The following FHIT variants were observed in gnomAD, a reference collection of about 807,000 sequenced individuals.
The protein encoded by FHIT is bis(5'-adenosyl)-triphosphatase.
In FHIT, 19 loss-of-function variants were observed where a neutral mutation model predicts 17.9. That is an observed-to-expected ratio of 1.06 (90% CI 0.74 to 1.56). The LOEUF is 1.56. Among genes scored for constraint, FHIT ranks in the 40% most tolerant of loss-of-function variants. FHIT has a pLI of 0.00. For missense variants in FHIT, 248 were observed against 189.2 expected (o/e 1.31, Z -1.82); for synonymous variants, 81 against 69.7 (o/e 1.16, Z -0.81).
At position 59,866,790 on chromosome 3, in the gene FHIT, G is replaced by A. The variant is rs546841562; in HGVS notation, c.348+55556C>T. On this transcript the variant is annotated intron_variant, in intron 8 of 9. Coordinates refer to ENST00000492590, the MANE Select transcript of FHIT (RefSeq NM_002012.4). ...TTCTGTAGATAGCTTCTGGCCAACT[G>A]ACTTAGCAAAGAGCAGCACAATATC... Among the ~76,000 whole-genome samples the A allele has an allele frequency of 4.6e-5, 7 of 152,232 alleles. No homozygotes were observed. The South Asian group carries it at 1.5e-3, about 32-fold the overall frequency.
chr3:60,568,370 T>C (rs936409884), intron 4 of FHIT, among the ~76,000 whole-genome samples: 15 of 151,436 alleles, frequency 9.9e-5, no homozygotes, highest in Non-Finnish European at 2.1e-4. Flanking sequence ...AAAAACCAAA[T>C]ACCGCGTGTT....
chr3:60,211,887 G>T (rs1172538397), intron 5 of FHIT, among the ~76,000 whole-genome samples: 1 of 152,062 alleles, frequency 6.6e-6, no homozygotes, highest in African/African-American at 2.4e-5. Flanking sequence ...TCTTTTTAAT[G>T]TTCGCTTTTC....
intron 2 of FHIT, among the ~76,000 whole-genome samples, chr3:61,115,813 G>C (rs1212943312): frequency 1.3e-5 from 2 of 152,100 alleles, no homozygotes; most frequent in East Asian, 1.9e-4. Context: ...GGGAAGAAGA[G>C]TATTGAAAAA....
intron 4 of FHIT, among the ~76,000 whole-genome samples, chr3:60,578,448 C>CACACACACACAG (rs1490153328): frequency 6.7e-6 from 1 of 150,120 alleles, no homozygotes; most frequent in Non-Finnish European, 1.5e-5. Context: ...AAAACACACA[C>CACACACACACAG]ACACACACAC....
chr3:60,027,581 G>A (rs991489470), intron 5 of FHIT, among the ~76,000 whole-genome samples: 2 of 151,832 alleles, frequency 1.3e-5, no homozygotes, highest in African/African-American at 2.4e-5. Flanking sequence ...ATGCTCCTCC[G>A]CGAGACTGCA....
intron 3 of FHIT, among the ~76,000 whole-genome samples, chr3:60,886,927 C>T (rs534057686): frequency 5.3e-5 from 8 of 152,220 alleles, no homozygotes; most frequent in Middle Eastern, 3.4e-3. Flanking sequence ...TATAGCATGC[C>T]GTGGTTTGTT....
intron 9 of FHIT, 130 bp downstream of exon 9, chr3:59,752,091 C>G (rs556619671): frequency 9.9e-6 from 6 of 604,662 alleles, no homozygotes; most frequent in Non-Finnish European, 1.7e-5. Flanking sequence ...TCCCCTCCAG[C>G]TCTTTGTCCT....
rs1285846290 is a variant in FHIT at position 61,190,936 on chromosome 3, TG to T, written c.-164+9680del. On this transcript the variant is annotated intron_variant, in intron 2 of 9. Transcript: ENST00000492590. ...TCACCCACTGGGGCTTGTTGTGGGG[TG>T]GGGGGAGGGAAGAGGGATAGCATTA... Among the ~76,000 whole-genome samples, 3 of 55,610 alleles carry T rather than the reference TG, an allele frequency of 5.4e-5. No homozygotes were observed. The Admixed American group carries it at 6.6e-4, about 12-fold the overall frequency. The allele number at this position is 55,610 out of a possible 152,430, so 36.5% of individuals were successfully genotyped here.
At chr3:60,129,934 T>C (rs1024542907) in intron 5 of FHIT, among the ~76,000 whole-genome samples, 1 of 152,210 alleles carries the variant, frequency 6.6e-6, no homozygotes, top group African/African-American at 2.4e-5. Context: ...GTGTCTGTTT[T>C]TGTGCCCTTT....
chr3:60,735,126 C>T (rs1276856798), intron 4 of FHIT, among the ~76,000 whole-genome samples: 1 of 152,142 alleles, frequency 6.6e-6, no homozygotes, highest in African/African-American at 2.4e-5. Context: ...GTTGATTAAC[C>T]CTTCACTTGT....
chr3:60,613,627 C>T lies in FHIT; in HGVS notation c.-17-76648G>A, dbSNP rs570782135. Among the ~76,000 whole-genome samples, 5 of 152,218 alleles carry T rather than the reference C, an allele frequency of 3.3e-5. No homozygotes were observed. The South Asian group carries it at 8.3e-4, about 25-fold the overall frequency. ...TTCAACTCCCTTTATATTCCTTCATCTTTCTCTCCCTACTTCCTTTTCTTT... is the reference window on the plus strand; with the variant it reads ...TTCAACTCCCTTTATATTCCTTCATTTTTCTCTCCCTACTTCCTTTTCTTT... On this transcript the variant is annotated intron_variant, in intron 4 of 9. Coordinates refer to ENST00000492590, the MANE Select transcript of FHIT (RefSeq NM_002012.4).
intron 8 of FHIT, among the ~76,000 whole-genome samples, chr3:59,920,864 T>C (rs748209648): frequency 8.5e-5 from 13 of 152,196 alleles, no homozygotes; most frequent in Non-Finnish European, 1.6e-4. Flanking sequence ...GTTCAAATTA[T>C]AGTTTTACAG....
At chr3:60,276,558 A>C (rs971704766) in intron 5 of FHIT, among the ~76,000 whole-genome samples, 4 of 152,206 alleles carry the variant, frequency 2.6e-5, no homozygotes, top group Non-Finnish European at 4.4e-5. Context: ...GAACAAGGTG[A>C]ATCATAAAAA....
intron 5 of FHIT, among the ~76,000 whole-genome samples, chr3:60,016,389 G>A (rs1307403517): frequency 1.3e-5 from 2 of 152,128 alleles, no homozygotes; most frequent in Non-Finnish European, 2.9e-5. Flanking sequence ...AACCAAAGGC[G>A]ACTTCTTAGA....
At chr3:60,354,811 T>C (rs1375920997) in intron 5 of FHIT, among the ~76,000 whole-genome samples, 1 of 152,188 alleles carries the variant, frequency 6.6e-6, no homozygotes, top group Non-Finnish European at 1.5e-5. Context: ...TAGTATACTT[T>C]ATTCTTGTTA....
intron 5 of FHIT, among the ~76,000 whole-genome samples, chr3:60,291,226 G>GT (rs1315071774): frequency 1.3e-5 from 2 of 152,086 alleles, no homozygotes; most frequent in Non-Finnish European, 2.9e-5. Flanking sequence ...AATACAGGGG[G>GT]TTTTATAGAT....
intron 3 of FHIT, among the ~76,000 whole-genome samples, chr3:60,919,544 C>G (rs1419819634): frequency 1.3e-5 from 2 of 151,616 alleles, no homozygotes; most frequent in Non-Finnish European, 2.9e-5. Context: ...AATGCAATAC[C>G]CAGGGACAAG....
At chr3:60,935,820 T>C (rs1553772941) in intron 3 of FHIT, among the ~76,000 whole-genome samples, 1 of 152,252 alleles carries the variant, frequency 6.6e-6, no homozygotes. Context: ...CTGAGTCTTC[T>C]AAACTGCTCG....
chr3:60,539,175 AC>A (rs2036093648), intron 4 of FHIT, among the ~76,000 whole-genome samples: 2 of 152,268 alleles, frequency 1.3e-5, no homozygotes, highest in Admixed American at 6.5e-5. Context: ...TATGCAGCCA[AC>A]AGACACATGA....
Sources: allele counts gnomAD v4.1 joint callset (sites outside exome capture counted in the v4.1 genomes callset), GRCh38; gene constraint gnomAD v4.1.1; transcripts MANE v1.5; gene names NCBI Gene and HGNC (gene_info 2026-07-23, HGNC 2026-07-21).